GRB10: variants seen among roughly 807,000 people sequenced by gnomAD.
GRB10 encodes growth factor receptor bound protein 10.
In GRB10, 20 loss-of-function variants were observed where a neutral mutation model predicts 80.9. The observed-to-expected ratio is 0.25, with a 90% confidence interval of 0.17 to 0.36. GRB10 has a LOEUF of 0.36. GRB10 is among the 10% of genes least tolerant of loss of function. The pLI is 1.00. For missense variants in GRB10, 548 were observed against 747.7 expected, an observed-to-expected ratio of 0.73 and a Z score of 3.12; for synonymous variants, 291 against 291.5, an observed-to-expected ratio of 1.00 and a Z score of 0.02.
At chr7:50,625,471 T>A (rs1003763967) in intron 8 of GRB10, among the ~76,000 whole-genome samples, 1 of 152,220 alleles carries the variant, frequency 6.6e-6, no homozygotes, top group African/African-American at 2.4e-5. Context: ...ATTTCCAAGT[T>A]ACTTGTGTGT....
chr7:50,595,426 T>A lies in GRB10; in HGVS notation c.1638+11A>T. ...AACCACAAGGACTGGTCTGAGAACA[T>A]CAATACTTACAGGTAAGATCTGGAA... On this transcript the variant is annotated intron_variant, in intron 18 of 18. Coordinates refer to ENST00000401949, the MANE Select transcript of GRB10 (RefSeq NM_001350814.2). The A allele has an allele frequency of 7.2e-7, 1 of 1,394,896 alleles. No individual in the cohort carries two copies. 86.4% of individuals were successfully genotyped at this position (1,394,896 alleles called of 1,614,324 possible).
At chr7:50,771,120 T>C (rs2076940203) in intron 2 of GRB10, among the ~76,000 whole-genome samples, 1 of 152,186 alleles carries the variant, frequency 6.6e-6, no homozygotes, top group South Asian at 2.1e-4. Context: ...TTAGTTTTTA[T>C]GGAGTAAGAG....
intron 5 of GRB10, among the ~76,000 whole-genome samples, chr7:50,682,790 A>G (rs1205131997): frequency 6.6e-6 from 1 of 152,212 alleles, no homozygotes; most frequent in Admixed American, 6.5e-5. Flanking sequence ...CTGTCAGCAT[A>G]TATTTTCTGG....
At chr7:50,693,231 A>G (rs2063039800) in intron 5 of GRB10, among the ~76,000 whole-genome samples, 1 of 151,824 alleles carries the variant, frequency 6.6e-6, no homozygotes, top group Non-Finnish European at 1.5e-5. Flanking sequence ...AAAAAAACAA[A>G]ATTTTTTCTT....
chr7:50,751,584 A>G (rs538217576), intron 3 of GRB10, among the ~76,000 whole-genome samples: 1 of 152,346 alleles, frequency 6.6e-6, no homozygotes, highest in South Asian at 2.1e-4. Context: ...AGAACTGCAA[A>G]GGGGCACTGG....
intron 13 of GRB10, among the ~76,000 whole-genome samples, chr7:50,608,369 G>A (rs1436508008): frequency 3.9e-5 from 6 of 152,134 alleles, no homozygotes; most frequent in African/African-American, 1.2e-4. Flanking sequence ...CCAGTGAAAC[G>A]TTCCTTCAAG....
chr7:50,677,893 G>C (rs1395520667), intron 5 of GRB10, among the ~76,000 whole-genome samples: 1 of 152,194 alleles, frequency 6.6e-6, no homozygotes, highest in Admixed American at 6.5e-5. Context: ...ATACACGTGT[G>C]CTGTGGGGCC....
chr7:50,647,662 A>C (rs2057394180), intron 7 of GRB10, among the ~76,000 whole-genome samples: 2 of 152,234 alleles, frequency 1.3e-5, no homozygotes, highest in Admixed American at 1.3e-4. Flanking sequence ...AAGGTCCTCA[A>C]AGGCAGCAAA....
chr7:50,729,722 GC>G (rs373540236), intron 4 of GRB10, among the ~76,000 whole-genome samples: 26 of 150,346 alleles, frequency 1.7e-4, no homozygotes, highest in African/African-American at 5.4e-4. Context: ...TACTAACGGA[GC>G]CCCCCCCGAA....
chr7:50,643,085 T>G (rs528475279), intron 7 of GRB10, among the ~76,000 whole-genome samples: 2 of 152,246 alleles, frequency 1.3e-5, no homozygotes, highest in Non-Finnish European at 2.9e-5. Flanking sequence ...ATAAGCATAG[T>G]TTTTTCAACC....
intron 2 of GRB10, among the ~76,000 whole-genome samples, chr7:50,767,718 G>T (rs1034757674): frequency 6.6e-6 from 1 of 152,142 alleles, no homozygotes; most frequent in Non-Finnish European, 1.5e-5. Flanking sequence ...GTCCTATCCA[G>T]GTATCTTTCT....
At chr7:50,765,611 G>C (rs925123352) in intron 2 of GRB10, among the ~76,000 whole-genome samples, 2 of 152,210 alleles carry the variant, frequency 1.3e-5, no homozygotes, top group African/African-American at 4.8e-5. Flanking sequence ...ACAGAGAGTA[G>C]ATTGGTGGTT....
intron 7 of GRB10, among the ~76,000 whole-genome samples, chr7:50,636,891 G>A (rs1420146474): frequency 6.6e-6 from 1 of 152,202 alleles, no homozygotes; most frequent in East Asian, 1.9e-4. Flanking sequence ...GAGCAATCAT[G>A]CAAGAGAAAG....
intron 4 of GRB10, among the ~76,000 whole-genome samples, chr7:50,706,918 C>G (rs1467071310): frequency 6.6e-6 from 1 of 152,216 alleles, no homozygotes; most frequent in Non-Finnish European, 1.5e-5. Flanking sequence ...CCTCCCAACC[C>G]TCTGTTACTG....
intron 2 of GRB10, among the ~76,000 whole-genome samples, chr7:50,767,054 A>G (rs951934126): frequency 5.3e-5 from 8 of 152,236 alleles, no homozygotes; most frequent in African/African-American, 1.7e-4. Context: ...GTATGGACAC[A>G]TTAAAAATGA....
chr7:50,778,052 G>A (rs889330429), intron 2 of GRB10, among the ~76,000 whole-genome samples: 15 of 152,124 alleles, frequency 9.9e-5, no homozygotes, highest in Non-Finnish European at 2.2e-4. Context: ...AAACCTGCAC[G>A]TTCTACACAT....
At chr7:50,652,065 T>C (rs1017269903) in intron 7 of GRB10, among the ~76,000 whole-genome samples, 2 of 152,240 alleles carry the variant, frequency 1.3e-5, no homozygotes, top group African/African-American at 4.8e-5. Flanking sequence ...CTGGAAATTG[T>C]AGGTAGAATT....
intron 4 of GRB10, among the ~76,000 whole-genome samples, chr7:50,717,801 G>A (rs539942277): frequency 6.6e-6 from 1 of 152,226 alleles, no homozygotes; most frequent in African/African-American, 2.4e-5. Flanking sequence ...GAGGTTCTTG[G>A]GGTCTCTGGA....
At chr7:50,779,313 G>A (rs957729315) in intron 2 of GRB10, 5 of 152,268 alleles carry the variant, frequency 3.3e-5, no homozygotes, top group East Asian at 1.9e-4. Flanking sequence ...AACTAAATTA[G>A]AAGCTGCATT....
Sources: allele counts gnomAD v4.1 joint callset (sites outside exome capture counted in the v4.1 genomes callset), GRCh38; gene constraint gnomAD v4.1.1; transcripts MANE v1.5; gene names NCBI Gene and HGNC (gene_info 2026-07-23, HGNC 2026-07-21).